The following SHOC2 variants were observed in gnomAD, a reference collection of about 807,000 sequenced individuals.
The protein encoded by SHOC2 is leucine-rich repeat protein SHOC-2.
Under a neutral mutation model 50.2 loss-of-function variants are expected in SHOC2, and 4 were observed. The ratio of observed to expected loss-of-function variants is 0.08; its 90% CI spans 0.04 to 0.18. The LOEUF is 0.18. Ranked by LOEUF, SHOC2 falls within the 10% of genes least tolerant of loss-of-function variation. The pLI is 1.00. For missense variants in SHOC2, 388 were observed against 669.6 expected (o/e 0.58, Z 4.64); for synonymous variants, 218 against 244.5 (o/e 0.89, Z 1.01).
chr10:111,009,944 G>T, intron 8 of SHOC2, 114 bp downstream of exon 8: 1 of 706,252 alleles, frequency 1.4e-6, no homozygotes, highest in Non-Finnish European at 2.5e-6. Flanking sequence ...GTTATATCAG[G>T]CTTAAGATTT....
In SHOC2 at chr10:110,999,736, C is replaced by CAAAAA. The variant is rs145780250; in HGVS notation, c.842-660_842-656dup. On this transcript the variant is annotated intron_variant, in intron 3 of 8. Coordinates refer to ENST00000369452, the MANE Select transcript of SHOC2 (RefSeq NM_007373.4). ...TGGGTGATAGAGTGAGACTCAGTCT[C>CAAAAA]AAAAAAAAAAAAAAAAAAAAAAAGA... 1.7e-3 allele frequency among the ~76,000 whole-genome samples: 139 copies of CAAAAA among 81,614 alleles called. 3 individuals are homozygous for CAAAAA. The highest frequency in any genetic ancestry group is 6.1e-3 in the African/African-American group (115 of 18,904). 53.5% of individuals were successfully genotyped at this position (81,614 alleles called of 152,430 possible). A position where few individuals can be genotyped will look rare whatever the true frequency, so the allele number is the denominator to read the frequency against.
chr10:110,974,662 G>T (rs1847843367), intron 2 of SHOC2, among the ~76,000 whole-genome samples: 3 of 151,634 alleles, frequency 2.0e-5, no homozygotes, highest in Non-Finnish European at 4.4e-5. Context: ...ACACATCTTT[G>T]TGGCGTTTTT....
chr10:110,983,877 A>G (rs1366425507), intron 2 of SHOC2, among the ~76,000 whole-genome samples: 1 of 152,188 alleles, frequency 6.6e-6, no homozygotes, highest in Non-Finnish European at 1.5e-5. Context: ...ATACTCCGTT[A>G]TATAAACATA....
intron 2 of SHOC2, among the ~76,000 whole-genome samples, chr10:110,972,123 GTAT>G (rs1847794066): frequency 6.7e-6 from 1 of 150,320 alleles, no homozygotes; most frequent in Non-Finnish European, 1.5e-5. Flanking sequence ...TTATATTTTA[GTAT>G]TATAGTATTA....
intron 2 of SHOC2, among the ~76,000 whole-genome samples, chr10:110,970,120 T>G (rs1847751188): frequency 6.6e-6 from 1 of 152,220 alleles, no homozygotes. Context: ...TACAGAACAG[T>G]AGAATTTAGA....
chr10:110,967,592 A>G (rs1847700761), intron 2 of SHOC2, among the ~76,000 whole-genome samples: 1 of 152,218 alleles, frequency 6.6e-6, no homozygotes. Context: ...TACCTCCAAA[A>G]GAAACTCTGA....
chr10:110,938,517 T>G (rs1160363763), intron 1 of SHOC2, among the ~76,000 whole-genome samples: 1 of 152,168 alleles, frequency 6.6e-6, no homozygotes, highest in Admixed American at 6.5e-5. Context: ...AGTGCCTATG[T>G]TTACTACTAA....
chr10:110,923,513 T>C (rs1296667121), intron 1 of SHOC2, among the ~76,000 whole-genome samples: 1 of 152,138 alleles, frequency 6.6e-6, no homozygotes, highest in Admixed American at 6.5e-5. Flanking sequence ...CCTTAAGCTT[T>C]TGAGATAATG....
At chr10:110,986,676 A>G (rs1848084060) in intron 3 of SHOC2, among the ~76,000 whole-genome samples, 1 of 152,134 alleles carries the variant, frequency 6.6e-6, no homozygotes, top group Middle Eastern at 3.4e-3. Context: ...AGGTTTCACT[A>G]TGTTGGCCAG....
chr10:110,970,727 ATGTT>A (rs1263575568), intron 2 of SHOC2, among the ~76,000 whole-genome samples: 4 of 27,416 alleles, frequency 1.5e-4, no homozygotes, highest in Non-Finnish European at 2.7e-4. Context: ...TGTTGTGATG[ATGTT>A]TTTTTTTTTT....
At position 111,007,578 on chromosome 10, in the gene SHOC2, T is replaced by C. The variant is rs779822189; in HGVS notation, c.1209T>C (p.Ser403=). ...CCTTGGATTTTGGAACTTGGACCAG[T>C]ATGGTAGAATTGAATTTAGCCACTA... is the stretch of plus-strand genomic sequence containing the variant. ...SLPLDFGTWT[S]MVELNLATNQ... Residue 403 remains serine (S), a synonymous_variant, in exon 6 of 9, where the codon AGT becomes AGC. Transcript: ENST00000369452. 6.2e-7 allele frequency: 1 copy of C among 1,613,704 alleles called. No individual in the cohort carries two copies. The highest frequency in any genetic ancestry group is 1.7e-5 in the Admixed American group (1 of 60,024).
Position 110,964,986 on chromosome 10 carries a change from G to A in SHOC2, c.628G>A (p.Asp210Asn), listed in dbSNP as rs200222772. The A allele has an allele frequency of 9.9e-6, 16 of 1,613,608 alleles. No individual in the cohort carries two copies. Among genetic ancestry groups the A allele is most frequent in the Non-Finnish European group, 1.4e-5 (16 of 1,179,828 alleles). Residue 210 changes from aspartate to asparagine, a missense_variant, in exon 2 of 9, where the codon GAC becomes AAC. Physicochemically the swap from Asp to Asn is conservative, Grantham distance 23 (BLOSUM62 1). Around this residue, in one of 5 missense-constraint regions of SHOC2, gnomAD observed 88 missense variants for 147.2 expected, o/e 0.60. Coordinates refer to ENST00000369452, the MANE Select transcript of SHOC2 (RefSeq NM_007373.4). The surrounding 1 kb of genome is among the most constrained non-coding windows in gnomAD (Gnocchi z 4.9). The stretch of plus-strand genomic sequence containing the variant: ...TAATCGTATAACTACTGTGGAAAAG[G>A]ACATCAAAAACTTGTCAAAACTCAG... ...RFNRITTVEK[D>N]IKNLSKLSML...
chr10:110,922,089 A>G (rs1218743029), intron 1 of SHOC2, among the ~76,000 whole-genome samples: 3 of 152,104 alleles, frequency 2.0e-5, no homozygotes, highest in Non-Finnish European at 2.9e-5. Context: ...TGGAAATTTG[A>G]AACATTTCAT....
At chr10:110,937,603 T>TA (rs1300971311) in intron 1 of SHOC2, among the ~76,000 whole-genome samples, 1 of 152,220 alleles carries the variant, frequency 6.6e-6, no homozygotes, top group Non-Finnish European at 1.5e-5. Flanking sequence ...GAGGGGACCA[T>TA]ACCATCTTTC....
intron 3 of SHOC2, among the ~76,000 whole-genome samples, chr10:110,989,917 CAT>C (rs1848149664): frequency 6.6e-6 from 1 of 151,962 alleles, no homozygotes; most frequent in East Asian, 1.9e-4. Flanking sequence ...CACACAGTGA[CAT>C]ATTTAGTTTG....
chr10:110,982,641 G>A lies in SHOC2; in HGVS notation c.704-2987G>A, dbSNP rs975797467. Among the ~76,000 whole-genome samples, 179 of 151,778 alleles carry A rather than the reference G, an allele frequency of 1.2e-3. 1 individual carries two copies. Among genetic ancestry groups the A allele is most frequent in the Non-Finnish European group, 1.7e-3 (112 of 67,854 alleles). ...GCATTTTTTCATGTGTTTTTTGGCT[G>A]CATAAATGTCTTCTTTTGAGAAGTG... On this transcript the variant is annotated intron_variant, in intron 2 of 8. Coordinates refer to ENST00000369452, the MANE Select transcript of SHOC2 (RefSeq NM_007373.4).
rs150547599 is a variant in SHOC2, at chr10:110,980,801, T to TC, written c.704-4826dup. 1.3e-3 allele frequency among the ~76,000 whole-genome samples: 203 copies of TC among 152,238 alleles called. 4 individuals are homozygous for TC. The East Asian group carries it at 0.033, about 24-fold the overall frequency. On this transcript the variant is annotated intron_variant, in intron 2 of 8. Transcript: ENST00000369452. ...CTCAGTTCAAATATGCTTTTTTTTT[T>TC]CACCCCAACTTCCCCCAACAGTCAG...
At chr10:110,926,713 A>AT in intron 1 of SHOC2, among the ~76,000 whole-genome samples, 1 of 152,222 alleles carries the variant, frequency 6.6e-6, no homozygotes, top group Admixed American at 6.5e-5. Context: ...AGAAGAGGTT[A>AT]TTGGATATTA....
Position 111,012,042 on chromosome 10 carries a change from G to A in SHOC2, c.*224G>A. On this transcript the variant is annotated 3_prime_UTR_variant, in exon 9 of 9. Coordinates refer to ENST00000369452, the MANE Select transcript of SHOC2 (RefSeq NM_007373.4). ...TGCTGAATTTGATGGATGTTTTTCT[G>A]TTGTGTAATCTGATATGCCAGTTTG... 1.8e-6 allele frequency: 1 copy of A among 549,796 alleles called. No individual in the cohort carries two copies. Among genetic ancestry groups the A allele is most frequent in the Admixed American group, 3.2e-5 (1 of 31,080 alleles). 34.1% of individuals were successfully genotyped at this position (549,796 alleles called of 1,614,324 possible).
Sources: gnomAD v4.1 joint callset for allele counts (sites outside exome capture counted in the v4.1 genomes callset) on GRCh38, gnomAD v4.1.1 for gene constraint, gnomAD v4.1.1 regional missense constraint, Gnocchi (gnomAD v3.1) non-coding constraint, MANE v1.5 for transcripts, NCBI Gene and HGNC (gene_info 2026-07-23, HGNC 2026-07-21) for gene names.